The following GPR158 variants were observed in gnomAD, a reference collection of about 807,000 sequenced individuals.
GPR158 encodes G protein-coupled receptor 158, also known as metabotropic glycine receptor.
In GPR158, 30 loss-of-function variants were observed where a neutral mutation model predicts 78.2. The ratio of observed to expected loss-of-function variants is 0.38; its 90% CI spans 0.29 to 0.52. The LOEUF is 0.52. Among genes scored for constraint, GPR158 ranks in the 20% least tolerant of loss-of-function variants. The pLI is 0.83. For missense variants in GPR158, 1,463 were observed against 1,523.5 expected (o/e 0.96, Z 0.66); for synonymous variants, 581 against 591.1 (o/e 0.98, Z 0.25).
chr10:25,202,282 A>G (rs981832727), intron 1 of GPR158, among the ~76,000 whole-genome samples: 2 of 151,786 alleles, frequency 1.3e-5, no homozygotes, highest in African/African-American at 4.8e-5. Context: ...TTTAAGTTCT[A>G]GGGTACATGT....
At chr10:25,493,448 C>T (rs755506649) in intron 5 of GPR158, among the ~76,000 whole-genome samples, 3 of 152,092 alleles carry the variant, frequency 2.0e-5, no homozygotes, top group Non-Finnish European at 2.9e-5. Flanking sequence ...TTTTTTAAAG[C>T]GTTCACTGAC....
At position 25,599,419 on chromosome 10, in the gene GPR158, A is replaced by G; in HGVS notation, c.*145A>G. 1.5e-6 allele frequency: 1 copy of G among 655,816 alleles called. No individual in the cohort carries two copies. The highest frequency in any genetic ancestry group is 2.7e-5 in the East Asian group (1 of 37,324). 40.6% of individuals were successfully genotyped at this position (655,816 alleles called of 1,614,324 possible). On this transcript the variant is annotated 3_prime_UTR_variant, in exon 11 of 11. Transcript: ENST00000376351. ...GTAAAGTCAAAGGCATGGGTAGAAGAGGACCAGGGGGGCAAGAGCAACAAC... is the reference window on the plus strand; with the variant it reads ...GTAAAGTCAAAGGCATGGGTAGAAGGGGACCAGGGGGGCAAGAGCAACAAC...
Position 25,572,683 on chromosome 10 carries a change from C to T in GPR158, c.1549C>T (p.Arg517Ter), listed in dbSNP as rs1397938078. Residue 517 changes from arginine to a stop codon, truncating the protein, a stop_gained, in exon 7 of 11, where the codon CGA (arginine) becomes TGA (stop). Coordinates refer to ENST00000376351, the MANE Select transcript of GPR158 (RefSeq NM_020752.3). LOFTEE classifies it high-confidence loss of function. Reference protein sequence around the residue: ...LKVFLSRTAQRIPYMTGGRVM... With the variant: ...LKVFLSRTAQ ...GGTGTTTCTTTCACGAACGGCTCAA[C>T]GAATTCCATATATGACTGGCGGACG... 1.2e-6 allele frequency: 2 copies of T among 1,613,820 alleles called. No homozygotes were observed. The highest frequency in any genetic ancestry group is 1.7e-5 in the Admixed American group (1 of 60,008).
intron 2 of GPR158, among the ~76,000 whole-genome samples, chr10:25,313,906 G>A (rs962373877): frequency 7.9e-5 from 12 of 152,248 alleles, no homozygotes; most frequent in Admixed American, 3.3e-4. Flanking sequence ...GTAGCATTGG[G>A]ATGATCCGGT....
intron 2 of GPR158, among the ~76,000 whole-genome samples, chr10:25,327,101 G>C (rs564522355): frequency 2.0e-5 from 3 of 152,224 alleles, no homozygotes; most frequent in Non-Finnish European, 4.4e-5. Context: ...ATTCTTAATT[G>C]TCAATTGCAC....
intron 5 of GPR158, among the ~76,000 whole-genome samples, chr10:25,535,391 G>A (rs1392954110): frequency 6.6e-6 from 1 of 152,158 alleles, no homozygotes; most frequent in Admixed American, 6.5e-5. Flanking sequence ...TGGCCCACAT[G>A]GCAAGGAACT....
At chr10:25,446,483 G>A (rs549239240) in intron 4 of GPR158, among the ~76,000 whole-genome samples, 4 of 151,802 alleles carry the variant, frequency 2.6e-5, no homozygotes, top group Admixed American at 6.5e-5. Flanking sequence ...TAACATTAAC[G>A]AATCCATTCT....
intron 4 of GPR158, among the ~76,000 whole-genome samples, chr10:25,443,854 C>A (rs768379635): frequency 1.3e-5 from 2 of 152,058 alleles, no homozygotes; most frequent in Non-Finnish European, 2.9e-5. Context: ...ATCTTTCAGA[C>A]CTCAACTCCT....
intron 1 of GPR158, among the ~76,000 whole-genome samples, chr10:25,204,055 G>A (rs1363565290): frequency 6.6e-6 from 1 of 151,790 alleles, no homozygotes; most frequent in Non-Finnish European, 1.5e-5. Context: ...TTGGCTGTTT[G>A]TCTCTTATTG....
intron 5 of GPR158, among the ~76,000 whole-genome samples, chr10:25,524,279 T>C (rs1836321750): frequency 1.3e-5 from 2 of 152,204 alleles, no homozygotes; most frequent in African/African-American, 2.4e-5. Context: ...TTGTTAAAAT[T>C]TCCAAGCTCG....
At chr10:25,492,877 GATAT>G (rs1487387529) in intron 5 of GPR158, among the ~76,000 whole-genome samples, 1 of 147,824 alleles carries the variant, frequency 6.8e-6, no homozygotes, top group African/African-American at 2.5e-5. Context: ...ATATATAATT[GATAT>G]ATAAACAAAT....
At chr10:25,241,375 TC>T (rs1853623952) in intron 2 of GPR158, among the ~76,000 whole-genome samples, 1 of 97,268 alleles carries the variant, frequency 1.0e-5, no homozygotes, top group African/African-American at 4.6e-5. Flanking sequence ...TTCTTTTCTC[TC>T]TTCTCTTCTC....
chr10:25,577,275 T>C (rs150341823), intron 7 of GPR158, among the ~76,000 whole-genome samples: 1 of 152,294 alleles, frequency 6.6e-6, no homozygotes, highest in African/African-American at 2.4e-5. Context: ...AGAAAACCTG[T>C]ACTGAACACT....
intron 2 of GPR158, among the ~76,000 whole-genome samples, chr10:25,395,611 A>G (rs1234841184): frequency 6.6e-6 from 1 of 152,202 alleles, no homozygotes; most frequent in Non-Finnish European, 1.5e-5. Flanking sequence ...AAGCAATAAG[A>G]TGATATGTGA....
chr10:25,236,495 G>A (rs571988171), intron 2 of GPR158, among the ~76,000 whole-genome samples: 1 of 152,258 alleles, frequency 6.6e-6, no homozygotes, highest in East Asian at 1.9e-4. Context: ...GCGACAGAGC[G>A]AGACTCCGTC....
At chr10:25,367,415 A>G (rs1855739752) in intron 2 of GPR158, among the ~76,000 whole-genome samples, 1 of 151,872 alleles carries the variant, frequency 6.6e-6, no homozygotes, top group Admixed American at 6.6e-5. Flanking sequence ...GATAACTTAT[A>G]CAATAAGCCC....
chr10:25,285,135 T>G (rs1206363375), intron 2 of GPR158, among the ~76,000 whole-genome samples: 1 of 152,018 alleles, frequency 6.6e-6, no homozygotes, highest in Non-Finnish European at 1.5e-5. Context: ...ATGATATTAT[T>G]TCTGCCTGAA....
intron 2 of GPR158, among the ~76,000 whole-genome samples, chr10:25,279,478 A>C (rs555086506): frequency 6.6e-6 from 1 of 152,214 alleles, no homozygotes; most frequent in South Asian, 2.1e-4. Flanking sequence ...TGAACAAAGA[A>C]TCAAGCTACC....
intron 4 of GPR158, among the ~76,000 whole-genome samples, chr10:25,435,703 C>T (rs187368019): frequency 5.2e-4 from 79 of 152,266 alleles, no homozygotes; most frequent in African/African-American, 1.9e-3. Context: ...ATCTGTTTAT[C>T]GGGATCTCAT....
Sources: gnomAD v4.1 joint callset for allele counts (sites outside exome capture counted in the v4.1 genomes callset) on GRCh38, gnomAD v4.1.1 for gene constraint, MANE v1.5 for transcripts, NCBI Gene and HGNC (gene_info 2026-07-23, HGNC 2026-07-21) for gene names.